DCDC1: variants seen among roughly 807,000 people sequenced by gnomAD.
The protein encoded by DCDC1 is doublecortin domain containing 1.
A neutral mutation model predicts 178.3 loss-of-function variants in DCDC1; 200 were observed. That is an observed-to-expected ratio of 1.12 (90% confidence interval 1.00 to 1.26). The LOEUF (loss-of-function observed/expected upper bound fraction) is 1.26. DCDC1 is among the 50% of genes most tolerant of loss of function. The pLI, the probability that DCDC1 is intolerant of heterozygous loss-of-function variation, is 0.00. For missense variants in DCDC1, 1,983 were observed against 1,749.2 expected, an observed-to-expected ratio of 1.13 and a Z score of -2.38; for synonymous variants, 690 against 604.8, an observed-to-expected ratio of 1.14 and a Z score of -2.07.
At chr11:30,917,063 A>C in intron 25 of DCDC1, 35 bp from the exon 26 acceptor site, 1 of 1,557,980 alleles carries the variant, frequency 6.4e-7, no homozygotes, top group South Asian at 1.3e-5. Context: ...AAGTCTAAGA[A>C]ATCTCATTCG....
chr11:31,165,575 T>C (rs376274010), intron 9 of DCDC1, among the ~76,000 whole-genome samples: 2 of 152,242 alleles, frequency 1.3e-5, no homozygotes, highest in East Asian at 1.9e-4. Context: ...TCTCCCAAAA[T>C]GCTGGGATTA....
intron 20 of DCDC1, among the ~76,000 whole-genome samples, chr11:30,973,806 C>T (rs1227788721): frequency 5.9e-5 from 9 of 152,118 alleles, no homozygotes; most frequent in African/African-American, 2.2e-4. Context: ...ACATCAACAT[C>T]CTACTCTCAA....
chr11:31,246,954 G>C (rs1460872189), intron 8 of DCDC1, among the ~76,000 whole-genome samples: 2 of 151,984 alleles, frequency 1.3e-5, no homozygotes, highest in Non-Finnish European at 2.9e-5. Flanking sequence ...GCTATACTTA[G>C]AGCAATCTTT....
chr11:31,007,045 G>C (rs1951886220), intron 20 of DCDC1, among the ~76,000 whole-genome samples: 1 of 152,072 alleles, frequency 6.6e-6, no homozygotes, highest in African/African-American at 2.4e-5. Flanking sequence ...TCAAATGTAG[G>C]CCTCAGATTC....
chr11:31,232,887 G>A (rs1320989049), intron 9 of DCDC1, among the ~76,000 whole-genome samples: 1 of 152,008 alleles, frequency 6.6e-6, no homozygotes, highest in South Asian at 2.1e-4. Flanking sequence ...TAAGGAGTTC[G>A]AGACCAGCCT....
intron 9 of DCDC1, among the ~76,000 whole-genome samples, chr11:31,212,295 T>C (rs1433705256): frequency 6.6e-6 from 1 of 152,126 alleles, no homozygotes; most frequent in South Asian, 2.1e-4. Flanking sequence ...ATTTTGTTTT[T>C]CCTGATTAAA....
chr11:30,946,057 C>A (rs1271845097), intron 21 of DCDC1, among the ~76,000 whole-genome samples: 1 of 152,124 alleles, frequency 6.6e-6, no homozygotes, highest in Non-Finnish European at 1.5e-5. Flanking sequence ...ACTTTTCCCC[C>A]TGAAGATGGT....
In DCDC1 at chr11:30,980,486, A is replaced by G. The variant is rs190866237; in HGVS notation, c.2592-27918T>C. ...CCTAGTACTGAAAGGTAGACAAGAG[A>G]TAGCTCTGTCAGGCATGAAAGGGCA... On this transcript the variant is annotated intron_variant, in intron 20 of 38. Coordinates refer to ENST00000684477, the MANE Select transcript of DCDC1 (RefSeq NM_001387274.1). 2.1e-4 allele frequency among the ~76,000 whole-genome samples: 32 copies of G among 152,278 alleles called. No homozygotes were observed. In the East Asian group the frequency reaches 6.2e-3, roughly 29 times the overall value.
intron 7 of DCDC1, among the ~76,000 whole-genome samples, chr11:31,269,523 C>A (rs980678270): frequency 1.3e-5 from 2 of 151,870 alleles, no homozygotes; most frequent in African/African-American, 4.8e-5. Context: ...GCAGGTGAGA[C>A]AACAGGTGTA....
At chr11:31,110,745 C>T (rs570024413) in intron 11 of DCDC1, among the ~76,000 whole-genome samples, 7 of 151,956 alleles carry the variant, frequency 4.6e-5, no homozygotes, top group African/African-American at 1.7e-4. Context: ...ACCTAACTAG[C>T]TCATTTTGTT....
intron 38 of DCDC1, among the ~76,000 whole-genome samples, chr11:30,875,668 G>T (rs1200518730): frequency 6.6e-6 from 1 of 152,072 alleles, no homozygotes; most frequent in Non-Finnish European, 1.5e-5. Flanking sequence ...ATTTCTAAGT[G>T]AGTCTCTGAC....
At chr11:31,210,803 A>G (rs1252139510) in intron 9 of DCDC1, among the ~76,000 whole-genome samples, 1 of 152,154 alleles carries the variant, frequency 6.6e-6, no homozygotes. Context: ...TTCATATATT[A>G]ATTCATTAAT....
intron 7 of DCDC1, among the ~76,000 whole-genome samples, chr11:31,289,611 A>G (rs1352262528): frequency 6.6e-6 from 1 of 152,056 alleles, no homozygotes. Context: ...AATTATCTTG[A>G]TTTCATAATA....
At chr11:31,363,285 A>G (rs1012892577) in intron 1 of DCDC1, among the ~76,000 whole-genome samples, 2 of 152,156 alleles carry the variant, frequency 1.3e-5, no homozygotes, top group Admixed American at 6.5e-5. Context: ...GTCTTTATGA[A>G]TTCTACTCTT....
chr11:31,184,147 T>C (rs1317616024), intron 9 of DCDC1, among the ~76,000 whole-genome samples: 1 of 152,072 alleles, frequency 6.6e-6, no homozygotes, highest in East Asian at 1.9e-4. Flanking sequence ...TCTACAACCA[T>C]CTGATCTTTG....
intron 9 of DCDC1, among the ~76,000 whole-genome samples, chr11:31,161,115 T>C (rs1966281533): frequency 6.6e-6 from 1 of 152,124 alleles, no homozygotes; most frequent in African/African-American, 2.4e-5. Context: ...ACCCAGCCTG[T>C]GAAGCTGTAA....
intron 15 of DCDC1, among the ~76,000 whole-genome samples, chr11:31,100,139 C>A (rs1310348250): frequency 6.6e-6 from 1 of 152,104 alleles, no homozygotes; most frequent in Non-Finnish European, 1.5e-5. Flanking sequence ...TCAAAGAGGT[C>A]CACATGGGCA....
chr11:31,146,276 G>GGGTTTCA (rs1307992661), intron 9 of DCDC1, among the ~76,000 whole-genome samples: 6 of 152,010 alleles, frequency 3.9e-5, no homozygotes, highest in Admixed American at 6.5e-5. Flanking sequence ...AGTAGAGATG[G>GGGTTTCA]GGTTTCACCA....
chr11:31,307,522 C>T, intron 4 of DCDC1, 117 bp downstream of exon 4: 1 of 1,379,502 alleles, frequency 7.2e-7, no homozygotes, highest in South Asian at 1.4e-5. Flanking sequence ...AAAAACAAAA[C>T]CCGAGAGATG....
Sources: allele counts gnomAD v4.1 joint callset (sites outside exome capture counted in the v4.1 genomes callset), GRCh38; gene constraint gnomAD v4.1.1; transcripts MANE v1.5; gene names NCBI Gene and HGNC (gene_info 2026-07-23, HGNC 2026-07-21).